Variants in PSIP1 observed in about 807,000 individuals in gnomAD.
The protein encoded by PSIP1 is PC4 and SFRS1-interacting protein.
Under a neutral mutation model 74.7 loss-of-function variants are expected in PSIP1, and 19 were observed. The ratio of observed to expected loss-of-function variants is 0.25; its 90% confidence interval spans 0.18 to 0.37. PSIP1 has a LOEUF of 0.37. Ranked by LOEUF, PSIP1 falls within the 10% of genes least tolerant of loss-of-function variation. The pLI is 1.00. For missense variants in PSIP1, 601 were observed against 614.3 expected, an observed-to-expected ratio of 0.98 and a Z score of 0.23; for synonymous variants, 222 against 195.3, an observed-to-expected ratio of 1.14 and a Z score of -1.14.
chr9:15,500,129 A>T (rs1406393277), intron 3 of PSIP1, among the ~76,000 whole-genome samples: 2 of 152,192 alleles, frequency 1.3e-5, no homozygotes, highest in Non-Finnish European at 2.9e-5. Flanking sequence ...TTCAACAGAC[A>T]ACTGAATATG....
chr9:15,496,030 G>A (rs943018588), intron 3 of PSIP1, among the ~76,000 whole-genome samples: 3 of 152,162 alleles, frequency 2.0e-5, no homozygotes, highest in African/African-American at 7.2e-5. Flanking sequence ...ATCATTAGGA[G>A]ACAGAGGCCA....
chr9:15,473,923 AAAACAAAAAAAAAAC>A (rs1213612667), intron 9 of PSIP1, 71 bp downstream of exon 9: 104 of 797,148 alleles, frequency 1.3e-4, no homozygotes, highest in Middle Eastern at 4.4e-4. Context: ...AACAAAAAAA[AAAACAAAAAAAAAAC>A]AAAGAAAAAA....
intron 8 of PSIP1, among the ~76,000 whole-genome samples, chr9:15,477,180 G>T (rs2036124524): frequency 6.6e-6 from 1 of 152,088 alleles, no homozygotes; most frequent in African/African-American, 2.4e-5. Flanking sequence ...CACTATAATA[G>T]TTAAAGTATG....
At chr9:15,508,740 G>A (rs1186122006) in intron 2 of PSIP1, among the ~76,000 whole-genome samples, 1 of 152,170 alleles carries the variant, frequency 6.6e-6, no homozygotes, top group Non-Finnish European at 1.5e-5. Flanking sequence ...TTTTATAGGT[G>A]CATCATATAT....
chr9:15,469,400 G>A (rs1266128558), intron 11 of PSIP1, 64 bp from the exon 12 acceptor site: 5 of 1,001,818 alleles, frequency 5.0e-6, no homozygotes, highest in African/African-American at 3.3e-5. Flanking sequence ...TCTATATACA[G>A]GCTAAGTATA....
intron 6 of PSIP1, 132 bp downstream of exon 6, chr9:15,485,874 A>G (rs2036538025): frequency 1.3e-6 from 1 of 741,948 alleles, no homozygotes; most frequent in South Asian, 2.3e-5. Context: ...CAAGTAAAAC[A>G]TAACCCATAA....
At chr9:15,492,073 CT>C (rs1166059993) in intron 3 of PSIP1, 1 of 152,188 alleles carries the variant, frequency 6.6e-6, no homozygotes, top group South Asian at 2.1e-4. Context: ...CCCCTGCCCC[CT>C]CTCTCAAATC....
chr9:15,485,110 G>T (rs908289801), intron 6 of PSIP1, among the ~76,000 whole-genome samples: 2 of 152,006 alleles, frequency 1.3e-5, no homozygotes, highest in Non-Finnish European at 2.9e-5. Flanking sequence ...TTAAAAGGAG[G>T]TATCTAAAAT....
chr9:15,480,114 G>A (rs1248371788), intron 6 of PSIP1, among the ~76,000 whole-genome samples: 1 of 152,188 alleles, frequency 6.6e-6, no homozygotes, highest in Non-Finnish European at 1.5e-5. Context: ...CTACAACAGA[G>A]AGTAAGGAAT....
At chr9:15,471,162 G>A in intron 10 of PSIP1, 1 of 1,606,214 alleles carries the variant, frequency 6.2e-7, no homozygotes, top group Non-Finnish European at 8.5e-7. Context: ...TCTCTTTTCA[G>A]TAACTGGATT....
rs1008779589 is a variant in PSIP1 at position 15,481,667 on chromosome 9, G to C, written c.457-1980C>G. 5.9e-5 allele frequency among the ~76,000 whole-genome samples: 9 copies of C among 151,998 alleles called. No individual in the cohort carries two copies. The East Asian group carries it at 1.7e-3, about 29-fold the overall frequency. On this transcript the variant is annotated intron_variant, in intron 6 of 15. Coordinates refer to ENST00000380733, the MANE Select transcript of PSIP1 (RefSeq NM_033222.5). ...CTACCACACTCCAGCCTGGGCAACA[G>C]AGCAAGACTCCGTCTCAAAAAAAAC...
At chr9:15,495,952 T>A (rs991365063) in intron 3 of PSIP1, among the ~76,000 whole-genome samples, 4 of 152,200 alleles carry the variant, frequency 2.6e-5, no homozygotes, top group African/African-American at 9.6e-5. Context: ...AGCATTAGGA[T>A]TTTTGCTGCA....
At chr9:15,501,840 C>CATATATATAT (rs112671758) in intron 3 of PSIP1, among the ~76,000 whole-genome samples, 3,218 of 124,312 alleles carry the variant, frequency 0.026, 94 homozygotes, top group African/African-American at 0.038. Context: ...TATAAAACAG[C>CATATATATAT]ATATATATAT....
Position 15,469,063 on chromosome 9 carries a change from A to G in PSIP1, c.1105-5T>C. 1 of 1,609,398 alleles carries G rather than the reference A, an allele frequency of 6.2e-7. No homozygotes were observed. Among genetic ancestry groups the G allele is most frequent in the East Asian group, 2.2e-5 (1 of 44,782 alleles). On this transcript the variant is annotated splice_region_variant and splice_polypyrimidine_tract_variant and intron_variant, in intron 12 of 15. Transcript: ENST00000380733. ...CTCAATGCATCTGTTCACATCCTTCATGACAAAACAGTAATTTCATAGCTG... is the reference window on the plus strand; with the variant it reads ...CTCAATGCATCTGTTCACATCCTTCGTGACAAAACAGTAATTTCATAGCTG...
intron 3 of PSIP1, among the ~76,000 whole-genome samples, chr9:15,504,476 C>T (rs953444084): frequency 3.9e-5 from 6 of 152,014 alleles, no homozygotes; most frequent in Admixed American, 1.3e-4. Context: ...AGTATAAAAT[C>T]GGTTCCATTC....
At chr9:15,488,056 C>G (rs747513597) in intron 4 of PSIP1, among the ~76,000 whole-genome samples, 4 of 152,146 alleles carry the variant, frequency 2.6e-5, no homozygotes, top group African/African-American at 9.7e-5. Flanking sequence ...CTAGGCCGGG[C>G]ACAGTGACTT....
chr9:15,505,305 A>G (rs544246619), intron 3 of PSIP1: 15 of 152,178 alleles, frequency 9.9e-5, no homozygotes, highest in Non-Finnish European at 1.9e-4. Context: ...CACACTTTGA[A>G]AAGCCCTACT....
rs533188975 is a variant in PSIP1 at position 15,468,399 on chromosome 9, A to T, written c.1420+231T>A. On this transcript the variant is annotated intron_variant, in intron 14 of 15. Transcript: ENST00000380733. ...TTGTTTATCCAGAGTCATCTGCCTC[A>T]TGAGCAATGGTTTCTGCCTTAGAAG... 4.3e-6 allele frequency: 3 copies of T among 700,058 alleles called. No individual in the cohort carries two copies. In the Middle Eastern group the frequency reaches 7.2e-4, roughly 167 times the overall value. 43.4% of individuals were successfully genotyped at this position (700,058 alleles called of 1,614,324 possible). A position where few individuals can be genotyped will look rare whatever the true frequency, so the allele number is the denominator to read the frequency against.
At chr9:15,468,373 A>G in intron 14 of PSIP1, 2 of 687,916 alleles carry the variant, frequency 2.9e-6, no homozygotes, top group East Asian at 5.9e-5. Flanking sequence ...GTTTTTAAAA[A>G]TTGTTTATCC....
Sources: gnomAD v4.1 joint callset for allele counts (sites outside exome capture counted in the v4.1 genomes callset) on GRCh38, gnomAD v4.1.1 for gene constraint, MANE v1.5 for transcripts, NCBI Gene and HGNC (gene_info 2026-07-23, HGNC 2026-07-21) for gene names.